FGFR1: variants seen among roughly 807,000 people sequenced by gnomAD.
FGFR1 encodes the protein FGFR1/PLAG1 fusion.
Under a neutral mutation model 93.7 loss-of-function variants are expected in FGFR1, and 18 were observed. The ratio of observed to expected loss-of-function variants is 0.19; its 90% confidence interval spans 0.13 to 0.28. FGFR1 has a LOEUF of 0.28. FGFR1 is among the 10% of genes least tolerant of loss of function. The probability of loss-of-function intolerance (pLI) is 1.00; values close to 1 mark genes in which losing one functional copy is unlikely to be tolerated. For missense variants in FGFR1, 731 were observed against 1,080.4 expected, an observed-to-expected ratio of 0.68 and a Z score of 4.53; for synonymous variants, 448 against 429.3, an observed-to-expected ratio of 1.04 and a Z score of -0.54.
intron 2 of FGFR1, among the ~76,000 whole-genome samples, chr8:38,433,227 T>C (rs1464819820): frequency 1.3e-5 from 2 of 152,090 alleles, no homozygotes; most frequent in African/African-American, 4.8e-5. Context: ...TAGTCCCAGC[T>C]ACTCAGTGGG....
Position 38,419,650 on chromosome 8 carries a change from G to A in FGFR1, c.1167C>T (p.Cys389=), listed in dbSNP as rs1338926241. Residue 389 remains cysteine (C), a synonymous_variant, in exon 9 of 18, where the codon TGC becomes TGT. Transcript: ENST00000447712. ...TGTAGACGATGACCGACCCCACCAT[G>A]CAGGAGATGAGGAAGGCCCCTGTGC... The part of the protein sequence containing the change: ...IYCTGAFLIS[C]MVGSVIVYKM... 1 of 1,614,106 alleles carries A rather than the reference G, an allele frequency of 6.2e-7. No individual in the cohort carries two copies. Among genetic ancestry groups the A allele is most frequent in the East Asian group, 2.2e-5 (1 of 44,868 alleles).
In FGFR1 at chr8:38,413,008, G is replaced by A. The variant is rs184963408; in HGVS notation, c.*620C>T. On this transcript the variant is annotated 3_prime_UTR_variant, in exon 18 of 18. Transcript: ENST00000447712. This position sits in a 1 kb window ranked among gnomAD's most constrained non-coding sequence, Gnocchi z 4.2. Reference sequence around the variant, plus strand: ...TGTGTTTTCTTCATAGCTATATACAGAGCCCCCAGTTTGGGGCTGGGCCCC... The same window carrying A: ...TGTGTTTTCTTCATAGCTATATACAAAGCCCCCAGTTTGGGGCTGGGCCCC... 40 of 235,996 alleles carry A rather than the reference G, an allele frequency of 1.7e-4. No homozygotes were observed. The highest frequency in any genetic ancestry group is 1.6e-3 in the Admixed American group (30 of 18,252). 14.6% of individuals were successfully genotyped at this position (235,996 alleles called of 1,614,324 possible). A position where few individuals can be genotyped will look rare whatever the true frequency, so the allele number is the denominator to read the frequency against.
intron 2 of FGFR1, among the ~76,000 whole-genome samples, chr8:38,452,968 T>G (rs1831561738): frequency 6.6e-6 from 1 of 152,124 alleles, no homozygotes; most frequent in African/African-American, 2.4e-5. Context: ...AGAGTGAGAC[T>G]CCGTCTCAAA....
At chr8:38,460,000 T>C (rs942358426) in intron 1 of FGFR1, among the ~76,000 whole-genome samples, 9 of 152,070 alleles carry the variant, frequency 5.9e-5, no homozygotes, top group Non-Finnish European at 2.9e-5. Context: ...CTGGCCAACA[T>C]GGTGAAATTC....
At chr8:38,448,879 T>C (rs1830218201) in intron 2 of FGFR1, among the ~76,000 whole-genome samples, 1 of 152,084 alleles carries the variant, frequency 6.6e-6, no homozygotes, top group African/African-American at 2.4e-5. Context: ...CGCTAGCACC[T>C]GGGAGGCAGA....
At chr8:38,456,430 T>C (rs952744427) in intron 2 of FGFR1, among the ~76,000 whole-genome samples, 4 of 152,174 alleles carry the variant, frequency 2.6e-5, no homozygotes, top group African/African-American at 9.7e-5. Context: ...TAGGTCTCCA[T>C]GCCCCTTTAT....
intron 2 of FGFR1, 91 bp from the exon 3 acceptor site, chr8:38,430,039 C>G (rs1249928233): frequency 6.8e-6 from 9 of 1,319,094 alleles, no homozygotes; most frequent in Middle Eastern, 4.7e-4. Flanking sequence ...GGGAATTACG[C>G]TGGCCACACG....
rs1007064310 is a variant in FGFR1 at position 38,468,486 on chromosome 8, T to C, written c.-594A>G. ...TCGCCGCAATGCGCTACGAGGGGTC[T>C]CGGTCCCGTCCGGACGTGGCCGCCC... On this transcript the variant is annotated 5_prime_UTR_variant, in exon 1 of 18. Transcript: ENST00000447712. 1.3e-5 allele frequency: 3 copies of C among 228,522 alleles called. No individual in the cohort carries two copies. The highest frequency in any genetic ancestry group is 6.7e-5 in the African/African-American group (3 of 45,030). The allele number at this position is 228,522 out of a possible 1,614,324, so 14.2% of individuals were successfully genotyped here.
In FGFR1 at chr8:38,455,022, C is replaced by T. The variant is rs888336581; in HGVS notation, c.91+2334G>A. Among the ~76,000 whole-genome samples the T allele has an allele frequency of 9.4e-5, 13 of 137,758 alleles. No homozygotes were observed. In the Admixed American group the frequency reaches 9.7e-4, roughly 10 times the overall value. The allele number at this position is 137,758 out of a possible 152,430, so 90.4% of individuals were successfully genotyped here. A position where few individuals can be genotyped will look rare whatever the true frequency, so the allele number is the denominator to read the frequency against. On this transcript the variant is annotated intron_variant, in intron 2 of 17. Coordinates refer to ENST00000447712, the MANE Select transcript of FGFR1 (RefSeq NM_023110.3). ...ACAGAGTTTCACTCTGTCACCCAGG[C>T]TGAAGTGAAGCGGTGTGATCATGGC...
At position 38,429,731 on chromosome 8, in the gene FGFR1, G is replaced by A. The variant is rs2150956989; in HGVS notation, c.309C>T (p.Thr103=). ...TGGTGTCACTGCCCGAGGGGCTGCT[G>A]GTTACGCAAGCATAGAGGCCGGAGT... The part of the protein sequence containing the change: ...PADSGLYACV[T]SSPSGSDTTY... Residue 103 remains threonine (T), a synonymous_variant, in exon 3 of 18, where the codon ACC becomes ACT. Transcript: ENST00000447712. This position sits in a 1 kb window ranked among gnomAD's most constrained non-coding sequence, Gnocchi z 4.4. 6.3e-7 allele frequency: 1 copy of A among 1,583,358 alleles called. No homozygotes were observed. The highest frequency in any genetic ancestry group is 8.6e-7 in the Non-Finnish European group (1 of 1,164,424).
At chr8:38,452,490 G>A (rs1196338568) in intron 2 of FGFR1, among the ~76,000 whole-genome samples, 3 of 152,144 alleles carry the variant, frequency 2.0e-5, no homozygotes, top group Admixed American at 2.0e-4. Flanking sequence ...TCAGCCTCCT[G>A]AATAGCTAGG....
In FGFR1 at chr8:38,413,335, C is replaced by A; in HGVS notation, c.*293G>T. On this transcript the variant is annotated 3_prime_UTR_variant, in exon 18 of 18. Transcript: ENST00000447712. The surrounding 1 kb of genome is among the most constrained non-coding windows in gnomAD (Gnocchi z 4.2). ...TGTTCATTGGCTCCCACTCCCTGCC[C>A]TCCAGGCAGTGCCTGGTGGCAGGGA... is the stretch of plus-strand genomic sequence containing the variant. 1 of 502,758 alleles carries A rather than the reference C, an allele frequency of 2.0e-6. No individual in the cohort carries two copies. 31.1% of individuals were successfully genotyped at this position (502,758 alleles called of 1,614,324 possible).
intron 1 of FGFR1, chr8:38,467,697 C>T (rs1835851208): frequency 8.6e-6 from 2 of 233,548 alleles, no homozygotes; most frequent in East Asian, 1.2e-4. Context: ...GCCTCGCCAG[C>T]TCCCGAGCGC....
chr8:38,427,902 C>G lies in FGFR1; in HGVS notation c.621+19G>C. The stretch of plus-strand genomic sequence containing the variant: ...CCCCTGTTCCCATTACTCTAACTTT[C>G]GCATGCACACACACGTACCTTGTAG... On this transcript the variant is annotated intron_variant, in intron 5 of 17. Transcript: ENST00000447712. The G allele has an allele frequency of 6.2e-7, 1 of 1,614,164 alleles. No individual in the cohort carries two copies. Among genetic ancestry groups the G allele is most frequent in the African/African-American group, 1.3e-5 (1 of 75,046 alleles).
At position 38,413,956 on chromosome 8, in the gene FGFR1, C is replaced by T; in HGVS notation, c.2254G>A (p.Glu752Lys). ...SQRPTFKQLVEDLDRIVALTS... is the reference protein window; with the variant it reads ...SQRPTFKQLVKDLDRIVALTS... ...AAGGCCACGATGCGGTCCAGGTCTT[C>T]CACCAGCTGCTTGAAGGTGGGTCTC... The change falls in exon 17 of 18, where the codon GAA (glutamate) becomes AAA (lysine). Residue 752 changes from glutamate (E) to lysine (K), a missense_variant. Glu to Lys is a moderately conservative substitution (Grantham distance 56). Coordinates refer to ENST00000447712, the MANE Select transcript of FGFR1 (RefSeq NM_023110.3). This position sits in a 1 kb window ranked among gnomAD's most constrained non-coding sequence, Gnocchi z 4.2. 6.2e-7 allele frequency: 1 copy of T among 1,614,100 alleles called. No homozygotes were observed. The highest frequency in any genetic ancestry group is 8.5e-7 in the Non-Finnish European group (1 of 1,179,982).
Position 38,429,864 on chromosome 8 carries a change from T to C in FGFR1, c.176A>G (p.Asp59Gly), listed in dbSNP as rs150042321. Residue 59 changes from aspartate (D) to glycine (G), a missense_variant, in exon 3 of 18, where the codon GAC (aspartate) becomes GGC (glycine). By Grantham distance (94) the Asp-to-Gly change is moderately conservative. Transcript: ENST00000447712. This position sits in a 1 kb window ranked among gnomAD's most constrained non-coding sequence, Gnocchi z 4.4. ...DLLQLRCRLR[D>G]DVQSINWLRD... ...CAGCCAGTTGATGCTCTGCACATCG[T>C]CCCGCAGCCGACAGCGAAGCTGCAG... The C allele has an allele frequency of 6.2e-7, 1 of 1,614,014 alleles. No homozygotes were observed. Among genetic ancestry groups the C allele is most frequent in the Non-Finnish European group, 8.5e-7 (1 of 1,180,010 alleles).
At position 38,429,211 on chromosome 8, in the gene FGFR1, C is replaced by A. The variant is rs1473072051; in HGVS notation, c.358+471G>T. On this transcript the variant is annotated intron_variant, in intron 3 of 17. Transcript: ENST00000447712. This position sits in a 1 kb window ranked among gnomAD's most constrained non-coding sequence, Gnocchi z 4.4. ...CCCAAGTTCACAGAGCTCCAGGGCT[C>A]CCTGGCTGCCCTCGCACAGCTCCCT... is the stretch of plus-strand genomic sequence containing the variant. The A allele has an allele frequency of 2.3e-6, 1 of 442,334 alleles. No individual in the cohort carries two copies. Among genetic ancestry groups the A allele is most frequent in the Non-Finnish European group, 4.6e-6 (1 of 219,200 alleles). 27.4% of individuals were successfully genotyped at this position (442,334 alleles called of 1,614,324 possible).
At chr8:38,420,426 T>C (rs1460940248) in intron 8 of FGFR1, 1 of 152,296 alleles carries the variant, frequency 6.6e-6, no homozygotes, top group Admixed American at 6.5e-5. Context: ...AAAAATAAGC[T>C]TTTTTGGTAG....
At chr8:38,458,154 A>C (rs925497932) in intron 1 of FGFR1, among the ~76,000 whole-genome samples, 1 of 152,198 alleles carries the variant, frequency 6.6e-6, no homozygotes, top group African/African-American at 2.4e-5. Context: ...TGAAAGTCCC[A>C]AATAGTTCTG....
Sources: allele counts gnomAD v4.1 joint callset (sites outside exome capture counted in the v4.1 genomes callset), GRCh38; gene constraint gnomAD v4.1.1; non-coding constraint Gnocchi (gnomAD v3.1); transcripts MANE v1.5; gene names NCBI Gene and HGNC (gene_info 2026-07-23, HGNC 2026-07-21).